The following ZNF385D variants were observed in gnomAD, a reference collection of about 807,000 sequenced individuals.
The protein encoded by ZNF385D is zinc finger protein 659.
In ZNF385D, 15 loss-of-function variants were observed where a neutral mutation model predicts 35.8. The ratio of observed to expected loss-of-function variants is 0.42; its 90% confidence interval spans 0.28 to 0.64. ZNF385D has a LOEUF of 0.64. ZNF385D is among the 30% of genes least tolerant of loss of function. ZNF385D has a pLI of 0.23. For missense variants in ZNF385D, 474 were observed against 494.6 expected (o/e 0.96, Z 0.39); for synonymous variants, 212 against 186.8 (o/e 1.13, Z -1.10).
At chr3:21,458,667 CATT>C (rs1206190500) in intron 4 of ZNF385D, among the ~76,000 whole-genome samples, 4 of 152,104 alleles carry the variant, frequency 2.6e-5, no homozygotes, top group Non-Finnish European at 5.9e-5. Flanking sequence ...ACCATGAAAA[CATT>C]ATGCTAAATA....
intron 3 of ZNF385D, among the ~76,000 whole-genome samples, chr3:21,911,739 A>C (rs1699974219): frequency 6.6e-6 from 1 of 151,958 alleles, no homozygotes; most frequent in South Asian, 2.1e-4. Flanking sequence ...TATTTTATTA[A>C]AGTGAGAGAG....
chr3:22,009,191 T>A (rs1388492572), intron 3 of ZNF385D, among the ~76,000 whole-genome samples: 1 of 152,140 alleles, frequency 6.6e-6, no homozygotes, highest in African/African-American at 2.4e-5. Flanking sequence ...TACAGCCTAT[T>A]AAAATTTTGT....
chr3:22,303,381 A>G (rs925037149), intron 2 of ZNF385D, among the ~76,000 whole-genome samples: 1 of 152,122 alleles, frequency 6.6e-6, no homozygotes, highest in Non-Finnish European at 1.5e-5. Context: ...CTCTGTTCCC[A>G]TAAACATATG....
intron 3 of ZNF385D, among the ~76,000 whole-genome samples, chr3:22,099,694 G>A (rs1301613574): frequency 1.3e-5 from 2 of 151,998 alleles, no homozygotes; most frequent in African/African-American, 2.4e-5. Context: ...AGCAGACCCT[G>A]AAGCATGGCG....
intron 2 of ZNF385D, among the ~76,000 whole-genome samples, chr3:22,354,987 C>T (rs1359965184): frequency 6.6e-6 from 1 of 152,078 alleles, no homozygotes; most frequent in East Asian, 1.9e-4. Context: ...TACTGAACAA[C>T]ATTGTTTGTA....
At chr3:22,042,655 C>T (rs1215086171) in intron 3 of ZNF385D, among the ~76,000 whole-genome samples, 2 of 152,238 alleles carry the variant, frequency 1.3e-5, no homozygotes, top group African/African-American at 4.8e-5. Context: ...CATTGCTTCT[C>T]TTCCAAGTTG....
intron 3 of ZNF385D, among the ~76,000 whole-genome samples, chr3:21,943,328 A>T (rs995867163): frequency 6.6e-6 from 1 of 151,494 alleles, no homozygotes; most frequent in Non-Finnish European, 1.5e-5. Flanking sequence ...GTATATATAT[A>T]CATATATATA....
At chr3:22,240,505 T>G (rs538893614) in intron 2 of ZNF385D, among the ~76,000 whole-genome samples, 1 of 150,984 alleles carries the variant, frequency 6.6e-6, no homozygotes, top group Non-Finnish European at 1.5e-5. Context: ...TCCTTTCTAA[T>G]TGGATGTGGA....
At chr3:22,368,825 C>T (rs1345597037) in intron 2 of ZNF385D, among the ~76,000 whole-genome samples, 3 of 152,202 alleles carry the variant, frequency 2.0e-5, no homozygotes, top group Non-Finnish European at 4.4e-5. Flanking sequence ...GAGATATAAA[C>T]ATTCAATCCA....
chr3:22,176,252 A>G (rs944151421), intron 2 of ZNF385D, among the ~76,000 whole-genome samples: 9 of 152,122 alleles, frequency 5.9e-5, no homozygotes, highest in African/African-American at 2.2e-4. Flanking sequence ...TAGCCACACA[A>G]CTCAGATACT....
intron 3 of ZNF385D, among the ~76,000 whole-genome samples, chr3:21,860,044 G>C (rs1575792470): frequency 6.6e-6 from 1 of 151,972 alleles, no homozygotes; most frequent in Non-Finnish European, 1.5e-5. Context: ...TTTGGGACTA[G>C]AATTTTTCAC....
intron 3 of ZNF385D, among the ~76,000 whole-genome samples, chr3:22,094,673 G>A (rs562290923): frequency 6.6e-6 from 1 of 151,938 alleles, no homozygotes; most frequent in African/African-American, 2.4e-5. Flanking sequence ...GGAGCCCTGG[G>A]CTGGGAGAAG....
chr3:21,931,194 C>T (rs910843706), intron 3 of ZNF385D, among the ~76,000 whole-genome samples: 1 of 151,994 alleles, frequency 6.6e-6, no homozygotes. Context: ...CTGAAGAATG[C>T]TCAGTATCTT....
At chr3:22,283,481 G>C (rs774366564) in intron 2 of ZNF385D, among the ~76,000 whole-genome samples, 5 of 152,124 alleles carry the variant, frequency 3.3e-5, no homozygotes, top group Non-Finnish European at 1.5e-5. Flanking sequence ...TCAAGAATCA[G>C]TGTCCTAATC....
chr3:22,080,457 T>G (rs1457288030), intron 3 of ZNF385D, among the ~76,000 whole-genome samples: 1 of 152,138 alleles, frequency 6.6e-6, no homozygotes, highest in African/African-American at 2.4e-5. Flanking sequence ...TGGAAACTCA[T>G]AAGCTTTGAA....
At chr3:22,204,491 C>G (rs185777430) in intron 2 of ZNF385D, among the ~76,000 whole-genome samples, 1 of 151,940 alleles carries the variant, frequency 6.6e-6, no homozygotes, top group Non-Finnish European at 1.5e-5. Flanking sequence ...TCGAGAAAAA[C>G]ATGACCTCCC....
intron 2 of ZNF385D, among the ~76,000 whole-genome samples, chr3:21,570,589 A>T (rs1382187472): frequency 6.6e-6 from 1 of 152,196 alleles, no homozygotes; most frequent in Non-Finnish European, 1.5e-5. Flanking sequence ...TGGTATTTGT[A>T]TGTAATAATG....
chr3:21,818,318 A>G (rs1421121474), intron 3 of ZNF385D, among the ~76,000 whole-genome samples: 2 of 152,298 alleles, frequency 1.3e-5, no homozygotes, highest in East Asian at 3.9e-4. Flanking sequence ...ACTCTAGAAC[A>G]TAAGGTATAA....
intron 3 of ZNF385D, among the ~76,000 whole-genome samples, chr3:21,981,826 T>A (rs1000760613): frequency 1.3e-5 from 2 of 152,196 alleles, no homozygotes; most frequent in Non-Finnish European, 2.9e-5. Context: ...AGAAGTCTTT[T>A]CACCATTACT....
Sources: allele counts gnomAD v4.1 joint callset (sites outside exome capture counted in the v4.1 genomes callset), GRCh38; gene constraint gnomAD v4.1.1; transcripts MANE v1.5; gene names NCBI Gene and HGNC (gene_info 2026-07-23, HGNC 2026-07-21).